PRUNE2: variants seen among roughly 807,000 people sequenced by gnomAD.
PRUNE2 encodes prune homolog 2 with BCH domain.
A neutral mutation model predicts 252.0 loss-of-function variants in PRUNE2; 164 were observed. That is an observed-to-expected ratio of 0.65 (90% CI 0.57 to 0.74). The LOEUF is 0.74. Among genes scored for constraint, PRUNE2 ranks in the 30% least tolerant of loss-of-function variants. PRUNE2 has a pLI of 0.00. For synonymous variants in PRUNE2, 1,292 were observed against 1,350.2 expected (o/e 0.96, Z 0.94); for missense variants, 3,495 against 3,711.0 (o/e 0.94, Z 1.51).
At chr9:76,636,434 TA>T (rs1840097723) in intron 15 of PRUNE2, 36 bp downstream of exon 15, 1 of 1,098,746 alleles carries the variant, frequency 9.1e-7, no homozygotes, top group Non-Finnish European at 1.4e-6. Flanking sequence ...TTAAAACTAC[TA>T]GTAGTACTTT....
chr9:76,794,959 G>C (rs1057131528), intron 6 of PRUNE2, among the ~76,000 whole-genome samples: 1 of 152,082 alleles, frequency 6.6e-6, no homozygotes, highest in Non-Finnish European at 1.5e-5. Context: ...AGACCTACTA[G>C]AAGGAAAAAA....
chr9:76,735,419 CTTTTTTTT>C (rs34406993), intron 6 of PRUNE2, among the ~76,000 whole-genome samples: 3 of 133,086 alleles, frequency 2.3e-5, no homozygotes, highest in African/African-American at 8.3e-5. Flanking sequence ...TTTCTTTCTT[CTTTTTTTT>C]TTTTTTTTTT....
At chr9:76,641,195 GAAATTTATAAATGAAAATGA>G (rs1192966492) in intron 12 of PRUNE2, among the ~76,000 whole-genome samples, 8 of 152,110 alleles carry the variant, frequency 5.3e-5, no homozygotes, top group Non-Finnish European at 1.2e-4. Flanking sequence ...AAAAAGTATG[GAAATTTATAAATGAAAATGA>G]AAATTTATAA....
At chr9:76,755,081 C>T (rs182861275) in intron 6 of PRUNE2, among the ~76,000 whole-genome samples, 18 of 150,374 alleles carry the variant, frequency 1.2e-4, no homozygotes, top group Non-Finnish European at 2.1e-4. Flanking sequence ...TTTATTCATT[C>T]GACGATTAAA....
At chr9:76,772,376 A>G (rs752776360) in intron 6 of PRUNE2, among the ~76,000 whole-genome samples, 1 of 152,124 alleles carries the variant, frequency 6.6e-6, no homozygotes, top group East Asian at 1.9e-4. Context: ...TTTGGGGGCT[A>G]TGCAACCACA....
chr9:76,633,444 GGTGGTA>G (rs1482989004), intron 15 of PRUNE2, among the ~76,000 whole-genome samples: 1 of 151,924 alleles, frequency 6.6e-6, no homozygotes, highest in Non-Finnish European at 1.5e-5. Flanking sequence ...AGCCAGGCGT[GGTGGTA>G]CATATCTGTG....
chr9:76,719,705 T>C (rs2047462916), intron 6 of PRUNE2, among the ~76,000 whole-genome samples: 1 of 151,942 alleles, frequency 6.6e-6, no homozygotes, highest in African/African-American at 2.4e-5. Context: ...TGGAGTGCAA[T>C]GGTATGATCA....
At chr9:76,711,532 TC>T (rs1283580418) in intron 7 of PRUNE2, among the ~76,000 whole-genome samples, 174 bp from the exon 8 acceptor site, 2 of 152,348 alleles carry the variant, frequency 1.3e-5, no homozygotes, top group Admixed American at 1.3e-4. Flanking sequence ...CAACCCTTTC[TC>T]CAATTCTATC....
intron 6 of PRUNE2, chr9:76,764,602 T>C (rs1408396040): frequency 1.3e-5 from 2 of 152,270 alleles, no homozygotes; most frequent in South Asian, 4.1e-4. Context: ...CAAAGAGCTA[T>C]GGGAAGTGAC....
At chr9:76,652,827 T>G in intron 10 of PRUNE2, 144 bp from the exon 11 acceptor site, 1 of 610,342 alleles carries the variant, frequency 1.6e-6, no homozygotes, top group Non-Finnish European at 2.9e-6. Flanking sequence ...CTGGAGCATT[T>G]TGGATTTCAG....
At chr9:76,717,368 G>T (rs997128591) in intron 6 of PRUNE2, among the ~76,000 whole-genome samples, 2 of 152,156 alleles carry the variant, frequency 1.3e-5, no homozygotes, top group African/African-American at 4.8e-5. Context: ...TTCTAGCTAC[G>T]CAGGGAGTCA....
In PRUNE2 at chr9:76,708,363, A is replaced by G; in HGVS notation, c.3911T>C (p.Leu1304Pro). 1 of 1,613,818 alleles carries G rather than the reference A, an allele frequency of 6.2e-7. No homozygotes were observed. Among genetic ancestry groups the G allele is most frequent in the South Asian group, 1.1e-5 (1 of 91,072 alleles). Residue 1304 changes from leucine to proline, a missense_variant, in exon 8 of 19, where the codon CTT becomes CCT. Coordinates refer to ENST00000376718, the MANE Select transcript of PRUNE2 (RefSeq NM_015225.3). ...GTGTGGAAAATACCCTGGATTCTCA[A>G]GCCTAGTCGCCAAGGATGCTGCATC... Reference protein sequence around the residue: ...QSDAASLATRLENPGYFPHPD... With the variant: ...QSDAASLATRPENPGYFPHPD...
At chr9:76,676,042 G>A (rs2042496207) in intron 9 of PRUNE2, among the ~76,000 whole-genome samples, 1 of 142,422 alleles carries the variant, frequency 7.0e-6, no homozygotes, top group South Asian at 2.3e-4. Flanking sequence ...ATGTGCACAT[G>A]TACCCTAAAA....
At chr9:76,804,660 T>G (rs1471595449) in intron 6 of PRUNE2, among the ~76,000 whole-genome samples, 1 of 152,180 alleles carries the variant, frequency 6.6e-6, no homozygotes, top group African/African-American at 2.4e-5. Context: ...TGACTTCCTG[T>G]TAGTTTCAGC....
At chr9:76,845,728 A>C (rs978644111) in intron 4 of PRUNE2, among the ~76,000 whole-genome samples, 3 of 152,218 alleles carry the variant, frequency 2.0e-5, no homozygotes, top group African/African-American at 7.2e-5. Context: ...CCTGTGTTAA[A>C]TACTTTTGAG....
At position 76,854,135 on chromosome 9, in the gene PRUNE2, G is replaced by C. The variant is rs776388633; in HGVS notation, c.110C>G (p.Ser37Cys). The C allele has an allele frequency of 6.3e-7, 1 of 1,599,398 alleles. No individual in the cohort carries two copies. Among genetic ancestry groups the C allele is most frequent in the Admixed American group, 1.7e-5 (1 of 59,588 alleles). ...TAGAAAGTAAGCATATGTGAAGGTA[G>C]AAATGAGAGAATCCAAGTCACACGA... The part of the protein sequence containing the change: ...PKSCDLDSLI[S>C]TFTYAYFLDK... Residue 37 changes from serine (S) to cysteine (C), a missense_variant, in exon 2 of 19, where the codon TCT becomes TGT. Transcript: ENST00000376718.
chr9:76,640,856 G>T (rs1194768127), intron 12 of PRUNE2, among the ~76,000 whole-genome samples: 2 of 152,276 alleles, frequency 1.3e-5, no homozygotes, highest in East Asian at 3.9e-4. Flanking sequence ...TTAAAAGCAA[G>T]AAAGCATCCT....
Position 76,704,061 on chromosome 9 carries a change from T to C in PRUNE2, c.7552A>G (p.Thr2518Ala). 5 of 1,601,202 alleles carry C rather than the reference T, an allele frequency of 3.1e-6. No homozygotes were observed. Among genetic ancestry groups the C allele is most frequent in the Non-Finnish European group, 4.3e-6 (5 of 1,175,740 alleles). ...KEISELEEEK[T>A]IPTKEPEQIK... ...TGCTCAGGCTCTTTGGTAGGAATTG[T>C]TTTTTCTTCTTCCAATTCTGATATT... is the stretch of plus-strand genomic sequence containing the variant. The change falls in exon 9 of 19, where the codon ACA becomes GCA. Residue 2518 changes from threonine to alanine, a missense_variant. Coordinates refer to ENST00000376718, the MANE Select transcript of PRUNE2 (RefSeq NM_015225.3).
chr9:76,727,696 A>G (rs1393274478), intron 6 of PRUNE2, among the ~76,000 whole-genome samples: 3 of 46,676 alleles, frequency 6.4e-5, no homozygotes, highest in Non-Finnish European at 1.3e-4. Flanking sequence ...CAACTTAGTT[A>G]TGGGTAAACA....
Sources: gnomAD v4.1 joint callset for allele counts (sites outside exome capture counted in the v4.1 genomes callset) on GRCh38, gnomAD v4.1.1 for gene constraint, MANE v1.5 for transcripts, NCBI Gene and HGNC (gene_info 2026-07-23, HGNC 2026-07-21) for gene names.